The following ADCY9 variants were observed in gnomAD, a reference collection of about 807,000 sequenced individuals.
ADCY9 encodes the protein adenylate cyclase 9, also known as adenylate cyclase type 9.
ADCY9 carries 50 observed loss-of-function variants against 101.5 expected under a neutral mutation model. The ratio of observed to expected loss-of-function variants is 0.49; its 90% CI spans 0.39 to 0.62. ADCY9 has a LOEUF of 0.62. ADCY9 is among the 20% of genes least tolerant of loss of function. The probability of loss-of-function intolerance (pLI) is 0.00; values close to 1 mark genes in which losing one functional copy is unlikely to be tolerated. For synonymous variants in ADCY9, 905 were observed against 769.3 expected, an observed-to-expected ratio of 1.18 and a Z score of -2.92; for missense variants, 1,662 against 1,800.4, an observed-to-expected ratio of 0.92 and a Z score of 1.39.
At chr16:3,980,114 G>A (rs550755645) in intron 7 of ADCY9, among the ~76,000 whole-genome samples, 1 of 152,248 alleles carries the variant, frequency 6.6e-6, no homozygotes, top group African/African-American at 2.4e-5. Flanking sequence ...CCTCTAGCTG[G>A]CGGCTTCAGG....
intron 2 of ADCY9, among the ~76,000 whole-genome samples, chr16:4,098,255 T>C (rs1432177144): frequency 6.6e-6 from 1 of 151,934 alleles, no homozygotes; most frequent in East Asian, 1.9e-4. Flanking sequence ...TGGTTTTTTT[T>C]TTTGAGACAG....
In ADCY9 at chr16:4,102,134, G is replaced by C. The variant is rs941787845; in HGVS notation, c.1693+11616C>G. Among the ~76,000 whole-genome samples the C allele has an allele frequency of 6.6e-5, 10 of 152,148 alleles. No homozygotes were observed. In the East Asian group the frequency reaches 1.7e-3, roughly 26 times the overall value. Reference sequence around the variant, plus strand: ...AATACGAAATGTGACTCAGCCAGCGGGGAGCGTTAGTTATTGATGGAATGG... The same window carrying C: ...AATACGAAATGTGACTCAGCCAGCGCGGAGCGTTAGTTATTGATGGAATGG... On this transcript the variant is annotated intron_variant, in intron 2 of 10. Transcript: ENST00000294016.
intron 2 of ADCY9, among the ~76,000 whole-genome samples, chr16:4,097,483 T>TACACACAC (rs1195233632): frequency 2.9e-4 from 18 of 61,154 alleles, no homozygotes; most frequent in Admixed American, 5.6e-4. Flanking sequence ...TATATATATA[T>TACACACAC]ATATACACAC....
intron 2 of ADCY9, among the ~76,000 whole-genome samples, chr16:4,069,500 G>C (rs2056820585): frequency 3.3e-5 from 5 of 151,788 alleles, no homozygotes; most frequent in African/African-American, 7.3e-5. Context: ...ACAAAGGTTG[G>C]AAGAACAACG....
chr16:3,998,706 C>G, intron 3 of ADCY9, among the ~76,000 whole-genome samples: 1 of 13,890 alleles, frequency 7.2e-5, no homozygotes. Context: ...AAAACTCTGT[C>G]TCAAAAAAAA....
intron 2 of ADCY9, among the ~76,000 whole-genome samples, chr16:4,048,467 G>A (rs1231914965): frequency 6.6e-6 from 1 of 152,080 alleles, no homozygotes; most frequent in Non-Finnish European, 1.5e-5. Context: ...CAGTACAATG[G>A]CAAACAAAAT....
At position 4,101,273 on chromosome 16, in the gene ADCY9, T is replaced by C. The variant is rs1050665656; in HGVS notation, c.1693+12477A>G. 2.2e-5 allele frequency among the ~76,000 whole-genome samples: 3 copies of C among 137,790 alleles called. No individual in the cohort carries two copies. In the East Asian group the frequency reaches 6.1e-4, roughly 28 times the overall value. 90.4% of individuals were successfully genotyped at this position (137,790 alleles called of 152,430 possible). On this transcript the variant is annotated intron_variant, in intron 2 of 10. Coordinates refer to ENST00000294016, the MANE Select transcript of ADCY9 (RefSeq NM_001116.4). ...GTCAGGAAGTCTAGTACAATATTTG[T>C]TCAGGTGATTTTTTTTTTTTTTTTT...
At chr16:3,988,478 GAT>G (rs1254184076) in intron 6 of ADCY9, among the ~76,000 whole-genome samples, 1 of 124,784 alleles carries the variant, frequency 8.0e-6, no homozygotes, top group Non-Finnish European at 1.7e-5. Flanking sequence ...AGGTGTGGGG[GAT>G]TCCCTTCCAG....
At chr16:4,066,864 C>T (rs1041975044) in intron 2 of ADCY9, among the ~76,000 whole-genome samples, 2 of 152,156 alleles carry the variant, frequency 1.3e-5, no homozygotes, top group African/African-American at 4.8e-5. Context: ...TTAAACATAA[C>T]CTGGTTCATC....
intron 10 of ADCY9, among the ~76,000 whole-genome samples, chr16:3,974,386 T>C (rs1427043689): frequency 6.6e-6 from 1 of 152,256 alleles, no homozygotes; most frequent in African/African-American, 2.4e-5. Context: ...AAAATAACTT[T>C]TTTCTTTGAT....
At chr16:4,057,896 G>T (rs1269073935) in intron 2 of ADCY9, among the ~76,000 whole-genome samples, 1 of 152,126 alleles carries the variant, frequency 6.6e-6, no homozygotes, top group Non-Finnish European at 1.5e-5. Context: ...AAGAAGGAGA[G>T]TTGAGTAATC....
chr16:4,073,774 C>T (rs1310621231), intron 2 of ADCY9, among the ~76,000 whole-genome samples: 1 of 151,976 alleles, frequency 6.6e-6, no homozygotes, highest in Non-Finnish European at 1.5e-5. Context: ...TCCCAGAAGA[C>T]CTGTAGCATA....
At chr16:3,998,736 GA>G (rs1172309126) in intron 3 of ADCY9, among the ~76,000 whole-genome samples, 1 of 49,614 alleles carries the variant, frequency 2.0e-5, no homozygotes, top group African/African-American at 8.5e-5. Context: ...AAAAAAAAAA[GA>G]AAAGAAAGAA....
At chr16:4,096,990 T>C (rs1567146606) in intron 2 of ADCY9, among the ~76,000 whole-genome samples, 1 of 152,058 alleles carries the variant, frequency 6.6e-6, no homozygotes. Context: ...GGCATGCTGG[T>C]TTTCCATGTG....
intron 6 of ADCY9, 101 bp from the exon 7 acceptor site, chr16:3,983,541 T>C: frequency 9.9e-7 from 1 of 1,009,652 alleles, no homozygotes; most frequent in Non-Finnish European, 1.5e-6. Context: ...GCACTGCTGC[T>C]CTGGGCCAGG....
chr16:4,042,314 G>A (rs1350441709), intron 2 of ADCY9, among the ~76,000 whole-genome samples: 4 of 152,106 alleles, frequency 2.6e-5, no homozygotes, highest in South Asian at 4.2e-4. Flanking sequence ...CAATTCTCCC[G>A]CTTGGCCTCT....
intron 2 of ADCY9, among the ~76,000 whole-genome samples, chr16:4,020,717 T>C (rs1450967866): frequency 6.6e-6 from 1 of 151,754 alleles, no homozygotes; most frequent in Non-Finnish European, 1.5e-5. Context: ...TCCCAGCTGC[T>C]TGGGAGGCTG....
intron 10 of ADCY9, among the ~76,000 whole-genome samples, chr16:3,974,328 G>A (rs925805425): frequency 9.2e-5 from 14 of 152,252 alleles, no homozygotes; most frequent in Non-Finnish European, 1.3e-4. Flanking sequence ...ACAGGCGTGA[G>A]CCACCGTGCC....
At chr16:4,097,453 CATATATATAT>C (rs71394653) in intron 2 of ADCY9, among the ~76,000 whole-genome samples, 1,555 of 71,034 alleles carry the variant, frequency 0.022, 46 homozygotes, top group Non-Finnish European at 0.03. Context: ...TGTGGAGTTA[CATATATATAT>C]ATATATATAT....
Sources: gnomAD v4.1 joint callset for allele counts (sites outside exome capture counted in the v4.1 genomes callset) on GRCh38, gnomAD v4.1.1 for gene constraint, MANE v1.5 for transcripts, NCBI Gene and HGNC (gene_info 2026-07-23, HGNC 2026-07-21) for gene names.